The following GMCL1 variants were observed in gnomAD, a reference collection of about 807,000 sequenced individuals.
The protein encoded by GMCL1 is germ cell-less 1, spermatogenesis associated, also known as germ cell-less protein-like 1.
GMCL1 carries 54 observed loss-of-function variants against 75.5 expected under a neutral mutation model. The ratio of observed to expected loss-of-function variants is 0.71; its 90% CI spans 0.57 to 0.90. The LOEUF is 0.90. Among genes scored for constraint, GMCL1 ranks in the 40% least tolerant of loss-of-function variants. The pLI is 0.00. For missense variants in GMCL1, 537 were observed against 622.7 expected (o/e 0.86, Z 1.47); for synonymous variants, 210 against 209.6 (o/e 1.00, Z -0.02).
intron 8 of GMCL1, among the ~76,000 whole-genome samples, chr2:69,850,236 C>T (rs1005558229): frequency 2.6e-5 from 4 of 152,076 alleles, no homozygotes; most frequent in African/African-American, 7.2e-5. Context: ...GCTTCCATAC[C>T]TTCCGTCAGA....
At chr2:69,867,284 G>A (rs570263858) in intron 11 of GMCL1, among the ~76,000 whole-genome samples, 10 of 152,140 alleles carry the variant, frequency 6.6e-5, no homozygotes, top group East Asian at 1.9e-4. Context: ...ATTCTCGGTC[G>A]TGTTGATTTC....
chr2:69,875,604 G>T (rs533081251), intron 13 of GMCL1, among the ~76,000 whole-genome samples: 1 of 151,888 alleles, frequency 6.6e-6, no homozygotes, highest in Admixed American at 6.6e-5. Context: ...CTACATTTAC[G>T]TAGGTCTTCC....
intron 6 of GMCL1, among the ~76,000 whole-genome samples, chr2:69,845,869 G>A (rs1340011525): frequency 1.3e-5 from 2 of 151,916 alleles, no homozygotes; most frequent in Non-Finnish European, 2.9e-5. Flanking sequence ...GGATACAAAT[G>A]TGTCCGAGAG....
At chr2:69,842,041 T>G (rs1172632086) in intron 4 of GMCL1, among the ~76,000 whole-genome samples, 2 of 152,226 alleles carry the variant, frequency 1.3e-5, no homozygotes, top group Non-Finnish European at 2.9e-5. Flanking sequence ...GACGAAGTTA[T>G]GTTTTAGAAA....
intron 1 of GMCL1, among the ~76,000 whole-genome samples, chr2:69,830,763 CT>C (rs201320282): frequency 0.37 from 50,690 of 137,940 alleles, 12,444 homozygotes; most frequent in African/African-American, 0.7. Flanking sequence ...TGTTTAACCC[CT>C]TTTTTTTTTT....
chr2:69,875,104 T>C (rs1345310260), intron 13 of GMCL1, among the ~76,000 whole-genome samples: 1 of 152,178 alleles, frequency 6.6e-6, no homozygotes, highest in African/African-American at 2.4e-5. Flanking sequence ...CTTTTTCTTT[T>C]ATGATTTCTT....
intron 9 of GMCL1, among the ~76,000 whole-genome samples, chr2:69,857,210 A>T (rs1675497434): frequency 6.6e-6 from 1 of 152,044 alleles, no homozygotes; most frequent in Admixed American, 6.6e-5. Context: ...CTTCCCTCTC[A>T]GGCTTGGATT....
At chr2:69,837,344 G>C (rs1380171467) in intron 1 of GMCL1, among the ~76,000 whole-genome samples, 3 of 152,076 alleles carry the variant, frequency 2.0e-5, no homozygotes, top group Non-Finnish European at 4.4e-5. Context: ...GGACCCCAGA[G>C]ATAACCACTA....
At chr2:69,831,042 C>T (rs1674657314) in intron 1 of GMCL1, among the ~76,000 whole-genome samples, 1 of 152,086 alleles carries the variant, frequency 6.6e-6, no homozygotes. Flanking sequence ...CCTCAGCCTC[C>T]CGAGTAGCTG....
At position 69,829,796 on chromosome 2, in the gene GMCL1, T is replaced by G; in HGVS notation, c.-97T>G. On this transcript the variant is annotated 5_prime_UTR_variant, in exon 1 of 14. The change abolishes the stop of an existing upstream ORF in the 5' untranslated region. Coordinates refer to ENST00000282570, the MANE Select transcript of GMCL1 (RefSeq NM_178439.5). ...GGCTGCGCGTGAGAAGGTGGCGGTG[T>G]AGGCACCTGCGCTCGGGGAAGGCTG... is the stretch of plus-strand genomic sequence containing the variant. 7.5e-7 allele frequency: 1 copy of G among 1,326,990 alleles called. No homozygotes were observed. The highest frequency in any genetic ancestry group is 1.0e-6 in the Non-Finnish European group (1 of 998,406). 82.2% of individuals were successfully genotyped at this position (1,326,990 alleles called of 1,614,324 possible).
At chr2:69,845,200 C>G (rs1369059892) in intron 6 of GMCL1, among the ~76,000 whole-genome samples, 2 of 152,244 alleles carry the variant, frequency 1.3e-5, no homozygotes, top group Non-Finnish European at 2.9e-5. Context: ...CTGCAGTCAA[C>G]TGCGCCGCCT....
At chr2:69,872,514 G>A (rs1263837073) in intron 13 of GMCL1, among the ~76,000 whole-genome samples, 1 of 152,296 alleles carries the variant, frequency 6.6e-6, no homozygotes, top group African/African-American at 2.4e-5. Flanking sequence ...TAAATTATGA[G>A]AAGTTAGTAG....
intron 1 of GMCL1, among the ~76,000 whole-genome samples, chr2:69,837,054 G>T (rs969078743): frequency 6.6e-6 from 1 of 152,164 alleles, no homozygotes; most frequent in Non-Finnish European, 1.5e-5. Flanking sequence ...TTAAGAATAG[G>T]TTGGTACCAA....
At position 69,880,411 on chromosome 2, in the gene GMCL1, A is replaced by G. The variant is rs1417480253; in HGVS notation, c.*1407A>G. On this transcript the variant is annotated 3_prime_UTR_variant, in exon 14 of 14. Transcript: ENST00000282570. ...TAATGATATGCCCATAGGTTCATAAATTGCTTTTGTTCTTTTAAAATTCAT... is the reference window on the plus strand; with the variant it reads ...TAATGATATGCCCATAGGTTCATAAGTTGCTTTTGTTCTTTTAAAATTCAT... 6.6e-6 allele frequency: 1 copy of G among 152,148 alleles called. No individual in the cohort carries two copies. The highest frequency in any genetic ancestry group is 1.5e-5 in the Non-Finnish European group (1 of 68,018). 9.4% of individuals were successfully genotyped at this position (152,148 alleles called of 1,614,324 possible). A position where few individuals can be genotyped will look rare whatever the true frequency, so the allele number is the denominator to read the frequency against.
chr2:69,847,821 A>G (rs1675198089), intron 7 of GMCL1, among the ~76,000 whole-genome samples, 194 bp downstream of exon 7: 1 of 152,126 alleles, frequency 6.6e-6, no homozygotes, highest in African/African-American at 2.4e-5. Flanking sequence ...TATTTTTTGT[A>G]CTTTTCTATT....
chr2:69,839,420 A>G (rs766713269), intron 2 of GMCL1, 37 bp from the exon 3 acceptor site: 2 of 1,254,684 alleles, frequency 1.6e-6, no homozygotes, highest in East Asian at 2.4e-5. Flanking sequence ...AGACACAGAA[A>G]GTACTTGATA....
In GMCL1 at chr2:69,869,782, T is replaced by TA; in HGVS notation, c.1283dup (p.Tyr428Ter). 1 of 1,614,036 alleles carries TA rather than the reference T, an allele frequency of 6.2e-7. No individual in the cohort carries two copies. Among genetic ancestry groups the TA allele is most frequent in the East Asian group, 2.2e-5 (1 of 44,876 alleles). Residue 428 changes from tyrosine to a stop codon, truncating the protein, a stop_gained and frameshift_variant, in exon 12 of 14, where the codon TAC (tyrosine) becomes TAAC (stop). Coordinates refer to ENST00000282570, the MANE Select transcript of GMCL1 (RefSeq NM_178439.5). LOFTEE classifies it high-confidence loss of function. ...FDLLVTYTNR[Y>*]IIFKRNTLNQ... is the part of the protein sequence containing the mutation. The stretch of plus-strand genomic sequence containing the variant: ...CCTACTTGTAACTTACACCAATCGA[T>TA]ACATCATTTTCAAACGCAATACACT...
At chr2:69,864,713 T>C (rs1675759243) in intron 10 of GMCL1, among the ~76,000 whole-genome samples, 187 bp from the exon 11 acceptor site, 1 of 150,966 alleles carries the variant, frequency 6.6e-6, no homozygotes, top group African/African-American at 2.4e-5. Context: ...ACATAGAAGA[T>C]ATTAAATCTT....
rs548720994 is a variant in GMCL1 at position 69,858,897 on chromosome 2, C to T, written c.1073-2381C>T. Reference sequence around the variant, plus strand: ...GTGTGGTGGCTCACGCCTGTAATCCCAGCACTTTGGAAGGCCGAGGCAGGT... The same window carrying T: ...GTGTGGTGGCTCACGCCTGTAATCCTAGCACTTTGGAAGGCCGAGGCAGGT... On this transcript the variant is annotated intron_variant, in intron 9 of 13. Coordinates refer to ENST00000282570, the MANE Select transcript of GMCL1 (RefSeq NM_178439.5). Among the ~76,000 whole-genome samples the T allele has an allele frequency of 2.6e-5, 4 of 152,038 alleles. No homozygotes were observed. The South Asian group carries it at 8.3e-4, about 32-fold the overall frequency.
Sources: gnomAD v4.1 joint callset for allele counts (sites outside exome capture counted in the v4.1 genomes callset) on GRCh38, gnomAD v4.1.1 for gene constraint, MANE v1.5 for transcripts, NCBI Gene and HGNC (gene_info 2026-07-23, HGNC 2026-07-21) for gene names.